Variants in NR6A1 observed in about 807,000 individuals in gnomAD.
The protein encoded by NR6A1 is nuclear receptor subfamily 6 group A member 1.
NR6A1 carries 7 observed loss-of-function variants against 59.1 expected under a neutral mutation model. That is an observed-to-expected ratio of 0.12 (90% confidence interval 0.07 to 0.22). The LOEUF is 0.22. Among genes scored for constraint, NR6A1 ranks in the 10% least tolerant of loss-of-function variants. The pLI is 1.00. For synonymous variants in NR6A1, 243 were observed against 236.1 expected, an observed-to-expected ratio of 1.03 and a Z score of -0.27; for missense variants, 468 against 611.6, an observed-to-expected ratio of 0.77 and a Z score of 2.48.
At position 124,521,027 on chromosome 9, in the gene NR6A1, G is replaced by T; in HGVS notation, c.*1678C>A. 1 of 152,322 alleles carries T rather than the reference G, an allele frequency of 6.6e-6. No individual in the cohort carries two copies. 9.4% of individuals were successfully genotyped at this position (152,322 alleles called of 1,614,324 possible). A position where few individuals can be genotyped will look rare whatever the true frequency, so the allele number is the denominator to read the frequency against. The stretch of plus-strand genomic sequence containing the variant: ...ATGCACACGACGTGGTGCCCTCCTG[G>T]GTAGCTTTACTAGGTTGAGTTGAGG... On this transcript the variant is annotated 3_prime_UTR_variant, in exon 10 of 10. Coordinates refer to ENST00000487099, the MANE Select transcript of NR6A1 (RefSeq NM_033334.4).
intron 2 of NR6A1, among the ~76,000 whole-genome samples, chr9:124,703,080 T>C (rs1266271084): frequency 1.3e-5 from 2 of 152,004 alleles, no homozygotes; most frequent in Non-Finnish European, 2.9e-5. Flanking sequence ...AATTTTTGTA[T>C]TCTTAGTAGA....
intron 2 of NR6A1, among the ~76,000 whole-genome samples, chr9:124,581,094 A>G (rs1489008255): frequency 6.6e-6 from 1 of 152,144 alleles, no homozygotes; most frequent in East Asian, 1.9e-4. Context: ...TCCTTATACC[A>G]TATACAAAAA....
At chr9:124,734,651 C>T (rs1839972873) in intron 1 of NR6A1, among the ~76,000 whole-genome samples, 1 of 151,720 alleles carries the variant, frequency 6.6e-6, no homozygotes, top group African/African-American at 2.4e-5. Context: ...CGAGATTGAA[C>T]CATTGCACTC....
intron 1 of NR6A1, among the ~76,000 whole-genome samples, chr9:124,759,207 T>C (rs907925630): frequency 2.6e-5 from 4 of 152,252 alleles, no homozygotes; most frequent in Admixed American, 1.3e-4. Flanking sequence ...CTAGCTCTTA[T>C]ATTTCTTTTG....
At chr9:124,629,560 G>A (rs773265407) in intron 2 of NR6A1, among the ~76,000 whole-genome samples, 2 of 152,186 alleles carry the variant, frequency 1.3e-5, no homozygotes, top group Non-Finnish European at 2.9e-5. Context: ...GGCAGAGCTA[G>A]AACCTGACTC....
At chr9:124,720,166 A>G (rs1839525445) in intron 2 of NR6A1, among the ~76,000 whole-genome samples, 1 of 151,850 alleles carries the variant, frequency 6.6e-6, no homozygotes, top group Admixed American at 6.6e-5. Context: ...TCCTGCCTCC[A>G]TCAGCCTCCC....
At chr9:124,597,774 T>C (rs1353651714) in intron 2 of NR6A1, among the ~76,000 whole-genome samples, 1 of 152,220 alleles carries the variant, frequency 6.6e-6, no homozygotes, top group Admixed American at 6.5e-5. Context: ...TAGACTCTAC[T>C]GGAAGAGGCG....
chr9:124,530,619 T>G (rs1833074870), intron 7 of NR6A1, among the ~76,000 whole-genome samples: 1 of 152,198 alleles, frequency 6.6e-6, no homozygotes, highest in Non-Finnish European at 1.5e-5. Context: ...ACTGACACTA[T>G]GTAAGTTATG....
At chr9:124,574,085 GA>G (rs759760934) in intron 2 of NR6A1, among the ~76,000 whole-genome samples, 58 of 152,138 alleles carry the variant, frequency 3.8e-4, no homozygotes, top group Non-Finnish European at 6.0e-4. Flanking sequence ...ATTGCTGAAT[GA>G]AAAAAGCAGA....
intron 2 of NR6A1, among the ~76,000 whole-genome samples, chr9:124,654,181 G>T (rs1253943224): frequency 6.6e-6 from 1 of 152,160 alleles, no homozygotes; most frequent in African/African-American, 2.4e-5. Context: ...GAGAACCTTG[G>T]CAAGATTCTC....
intron 2 of NR6A1, among the ~76,000 whole-genome samples, chr9:124,594,722 T>C (rs548662174): frequency 1.3e-5 from 2 of 152,234 alleles, no homozygotes; most frequent in South Asian, 2.1e-4. Flanking sequence ...GGGTACAACA[T>C]ATAAGGGAGG....
At chr9:124,678,792 C>T (rs1838037492) in intron 2 of NR6A1, among the ~76,000 whole-genome samples, 1 of 152,150 alleles carries the variant, frequency 6.6e-6, no homozygotes, top group African/African-American at 2.4e-5. Context: ...AATCAGTTTG[C>T]TTTCATATAG....
intron 1 of NR6A1, among the ~76,000 whole-genome samples, chr9:124,752,064 C>T (rs1840515535): frequency 6.6e-6 from 1 of 152,122 alleles, no homozygotes; most frequent in African/African-American, 2.4e-5. Flanking sequence ...TGGTCAGGAG[C>T]TCAAGACCAG....
At chr9:124,605,313 G>A (rs1205972633) in intron 2 of NR6A1, among the ~76,000 whole-genome samples, 2 of 152,182 alleles carry the variant, frequency 1.3e-5, no homozygotes, top group Non-Finnish European at 2.9e-5. Flanking sequence ...CTACAGATTA[G>A]GAAAACTAAC....
At chr9:124,708,945 A>C (rs1303551701) in intron 2 of NR6A1, among the ~76,000 whole-genome samples, 2 of 152,148 alleles carry the variant, frequency 1.3e-5, no homozygotes, top group Admixed American at 6.5e-5. Context: ...GCATTCCAAG[A>C]CCAAGAGCTC....
At chr9:124,686,463 T>C (rs1297680040) in intron 2 of NR6A1, among the ~76,000 whole-genome samples, 1 of 152,234 alleles carries the variant, frequency 6.6e-6, no homozygotes, top group Non-Finnish European at 1.5e-5. Context: ...TGCATGATAT[T>C]GGTTCCTATT....
Position 124,716,372 on chromosome 9 carries a change from G to A in NR6A1, c.142+16936C>T, listed in dbSNP as rs543616236. On this transcript the variant is annotated intron_variant, in intron 2 of 9. Transcript: ENST00000487099. ...AGCTAAAATAATACTGTTTCTAGTAGAAAATATAGCATATCTCTGCAATCT... is the reference window on the plus strand; with the variant it reads ...AGCTAAAATAATACTGTTTCTAGTAAAAAATATAGCATATCTCTGCAATCT... Among the ~76,000 whole-genome samples, 89 of 152,220 alleles carry A rather than the reference G, an allele frequency of 5.8e-4. No homozygotes were observed. The South Asian group carries it at 0.018, about 30-fold the overall frequency.
chr9:124,712,367 G>C (rs1484043425), intron 2 of NR6A1, among the ~76,000 whole-genome samples: 2 of 152,154 alleles, frequency 1.3e-5, no homozygotes, highest in East Asian at 1.9e-4. Context: ...CCAGCACTTT[G>C]GGAGGCCGAG....
chr9:124,601,013 C>G (rs1034652391), intron 2 of NR6A1, among the ~76,000 whole-genome samples: 3 of 151,158 alleles, frequency 2.0e-5, no homozygotes, highest in Non-Finnish European at 4.4e-5. Context: ...CGGTGGCTCA[C>G]GCCTGCAATC....
Sources: allele counts gnomAD v4.1 joint callset (sites outside exome capture counted in the v4.1 genomes callset), GRCh38; gene constraint gnomAD v4.1.1; transcripts MANE v1.5; gene names NCBI Gene and HGNC (gene_info 2026-07-23, HGNC 2026-07-21).